Variants in GRID2 observed in about 807,000 individuals in gnomAD.
The protein encoded by GRID2 is glutamate ionotropic receptor delta type subunit 2, also known as glutamate receptor ionotropic, delta-2.
In GRID2, 33 loss-of-function variants were observed where a neutral mutation model predicts 114.8. The observed-to-expected ratio is 0.29, with a 90% confidence interval of 0.22 to 0.38. The LOEUF (loss-of-function observed/expected upper bound fraction) is 0.38, where lower values mean the gene tolerates loss of function less well. GRID2 is among the 10% of genes least tolerant of loss of function. GRID2 has a pLI of 1.00. For synonymous variants in GRID2, 505 were observed against 449.9 expected, an observed-to-expected ratio of 1.12 and a Z score of -1.55; for missense variants, 1,184 against 1,257.7, an observed-to-expected ratio of 0.94 and a Z score of 0.89.
At chr4:92,793,174 T>C (rs1739677765) in intron 2 of GRID2, among the ~76,000 whole-genome samples, 1 of 151,856 alleles carries the variant, frequency 6.6e-6, no homozygotes, top group Non-Finnish European at 1.5e-5. Context: ...TTGGACGTTT[T>C]CTGCCTTTGT....
chr4:93,231,165 T>C (rs1196002429), intron 7 of GRID2, among the ~76,000 whole-genome samples: 1 of 152,060 alleles, frequency 6.6e-6, no homozygotes, highest in Non-Finnish European at 1.5e-5. Flanking sequence ...TAGTGCCATG[T>C]CATTGCAACA....
At position 92,743,027 on chromosome 4, in the gene GRID2, A is replaced by G. The variant is rs536694824; in HGVS notation, c.244+152741A>G. Among the ~76,000 whole-genome samples, 5 of 152,316 alleles carry G rather than the reference A, an allele frequency of 3.3e-5. No homozygotes were observed. The South Asian group carries it at 8.3e-4, about 25-fold the overall frequency. On this transcript the variant is annotated intron_variant, in intron 2 of 15. Transcript: ENST00000282020. ...AGCAGTGGCTCATGCCTGTAATTCC[A>G]ACAGTTTGGGAGGTTGAGGCAGGAA...
chr4:93,475,739 C>T (rs1301515239), intron 11 of GRID2, among the ~76,000 whole-genome samples: 2 of 152,128 alleles, frequency 1.3e-5, no homozygotes, highest in Admixed American at 6.6e-5. Flanking sequence ...TTTCATGCTT[C>T]TGGGACTGGC....
At chr4:93,451,907 T>A (rs539690578) in intron 10 of GRID2, among the ~76,000 whole-genome samples, 1 of 152,146 alleles carries the variant, frequency 6.6e-6, no homozygotes, top group African/African-American at 2.4e-5. Flanking sequence ...ATAAGTATGA[T>A]GTTGGCCATG....
chr4:92,800,827 A>G lies in GRID2; in HGVS notation c.244+210541A>G, dbSNP rs145873789. ...GACCCAAAAATGTTTTCCATATAATAAGATGACAGTTGAAAGTCCCAGGCT... is the reference window on the plus strand; with the variant it reads ...GACCCAAAAATGTTTTCCATATAATGAGATGACAGTTGAAAGTCCCAGGCT... On this transcript the variant is annotated intron_variant, in intron 2 of 15. Transcript: ENST00000282020. Among the ~76,000 whole-genome samples the G allele has an allele frequency of 6.6e-5, 10 of 152,120 alleles. No homozygotes were observed. The East Asian group carries it at 1.9e-3, about 30-fold the overall frequency.
chr4:92,516,361 A>G (rs1724501591), intron 1 of GRID2, among the ~76,000 whole-genome samples: 1 of 151,918 alleles, frequency 6.6e-6, no homozygotes, highest in Non-Finnish European at 1.5e-5. Context: ...AAAATAACCA[A>G]CAACTTCTTT....
At chr4:93,208,919 A>G (rs993050348) in intron 5 of GRID2, among the ~76,000 whole-genome samples, 14 of 152,154 alleles carry the variant, frequency 9.2e-5, no homozygotes, top group Non-Finnish European at 1.9e-4. Context: ...AAGACAAAGG[A>G]AAAGGAACTT....
chr4:92,516,249 T>C (rs1724494899), intron 1 of GRID2, among the ~76,000 whole-genome samples: 1 of 151,924 alleles, frequency 6.6e-6, no homozygotes, highest in Non-Finnish European at 1.5e-5. Context: ...TTGCTATAAC[T>C]TTTGACCTTT....
At chr4:92,746,377 A>G (rs918479998) in intron 2 of GRID2, among the ~76,000 whole-genome samples, 4 of 152,114 alleles carry the variant, frequency 2.6e-5, no homozygotes, top group Non-Finnish European at 5.9e-5. Context: ...GAAAATTTAT[A>G]TGTAGTTTTA....
In GRID2 at chr4:92,631,553, A is replaced by T. The variant is rs185427107; in HGVS notation, c.244+41267A>T. On this transcript the variant is annotated intron_variant, in intron 2 of 15. Coordinates refer to ENST00000282020, the MANE Select transcript of GRID2 (RefSeq NM_001510.4). ...CTTTCAAATGTTGTTTTCATTTTTT[A>T]AATTATTTTTTTAAATTAGAAATCC... 1.9e-4 allele frequency among the ~76,000 whole-genome samples: 29 copies of T among 152,158 alleles called. No homozygotes were observed. In the East Asian group the frequency reaches 5.0e-3, roughly 26 times the overall value.
intron 2 of GRID2, among the ~76,000 whole-genome samples, chr4:92,595,077 G>C (rs1220433465): frequency 1.3e-5 from 2 of 151,890 alleles, no homozygotes; most frequent in Non-Finnish European, 2.9e-5. Flanking sequence ...TTAATGACAA[G>C]ATTCAGCTAA....
chr4:92,707,723 A>G (rs1360573350), intron 2 of GRID2, among the ~76,000 whole-genome samples: 1 of 152,224 alleles, frequency 6.6e-6, no homozygotes, highest in East Asian at 1.9e-4. Context: ...CATTGCAAGG[A>G]AAGAGACAAA....
chr4:93,700,798 G>T (rs189547807), intron 14 of GRID2, among the ~76,000 whole-genome samples: 11 of 152,244 alleles, frequency 7.2e-5, no homozygotes, highest in Admixed American at 7.2e-4. Flanking sequence ...GCTTGAGATA[G>T]GGGTAGGAAG....
intron 4 of GRID2, among the ~76,000 whole-genome samples, chr4:93,180,578 C>A (rs1334031659): frequency 6.6e-6 from 1 of 152,020 alleles, no homozygotes; most frequent in African/African-American, 2.4e-5. Context: ...TAGCATTTAC[C>A]CAGAGTAGAG....
chr4:92,917,221 T>C lies in GRID2; in HGVS notation c.245-167774T>C, dbSNP rs546953978. On this transcript the variant is annotated intron_variant, in intron 2 of 15. Coordinates refer to ENST00000282020, the MANE Select transcript of GRID2 (RefSeq NM_001510.4). ...GTGATGGGGTTGTTTGTTTTTTTCT[T>C]GTAAATTTTTTTGAGTTCATTGTAG... 2.0e-5 allele frequency among the ~76,000 whole-genome samples: 3 copies of C among 152,344 alleles called. No homozygotes were observed. In the South Asian group the frequency reaches 6.2e-4, roughly 32 times the overall value.
chr4:93,207,126 T>G (rs942755595), intron 4 of GRID2, among the ~76,000 whole-genome samples: 1 of 152,084 alleles, frequency 6.6e-6, no homozygotes, highest in East Asian at 1.9e-4. Flanking sequence ...AAACAGTGTA[T>G]TTTATTTATG....
At chr4:92,587,770 G>T (rs1212418747) in intron 1 of GRID2, among the ~76,000 whole-genome samples, 1 of 152,070 alleles carries the variant, frequency 6.6e-6, no homozygotes, top group East Asian at 1.9e-4. Context: ...GCAGGTTTCT[G>T]CTGTTTATTA....
chr4:93,163,551 A>G (rs2149411576), intron 4 of GRID2, among the ~76,000 whole-genome samples: 1 of 148,732 alleles, frequency 6.7e-6, no homozygotes, highest in Non-Finnish European at 1.5e-5. Context: ...GGTGTGAATC[A>G]CTGCACTTGC....
intron 2 of GRID2, among the ~76,000 whole-genome samples, chr4:93,030,395 T>G (rs1334444642): frequency 6.6e-6 from 1 of 151,568 alleles, no homozygotes; most frequent in Non-Finnish European, 1.5e-5. Context: ...TTTTTTTTTT[T>G]TTTTTCTGAG....
Sources: allele counts gnomAD v4.1 joint callset (sites outside exome capture counted in the v4.1 genomes callset), GRCh38; gene constraint gnomAD v4.1.1; transcripts MANE v1.5; gene names NCBI Gene and HGNC (gene_info 2026-07-23, HGNC 2026-07-21).